Variants in RYR3 observed in about 807,000 individuals in gnomAD.
RYR3 encodes brain ryanodine receptor-calcium release channel.
A neutral mutation model predicts 584.3 loss-of-function variants in RYR3; 207 were observed. The ratio of observed to expected loss-of-function variants is 0.35; its 90% CI spans 0.32 to 0.40. The LOEUF is 0.40. RYR3 is among the 10% of genes least tolerant of loss of function. The pLI is 1.00. For missense variants in RYR3, 5,616 were observed against 6,089.2 expected (o/e 0.92, Z 2.59); for synonymous variants, 2,416 against 2,248.5 (o/e 1.07, Z -2.11).
chr15:33,512,554 G>T (rs74693857), intron 3 of RYR3, among the ~76,000 whole-genome samples: 1 of 152,108 alleles, frequency 6.6e-6, no homozygotes, highest in Non-Finnish European at 1.5e-5. Flanking sequence ...TTGTGAAGTC[G>T]GCACCTCATG....
intron 19 of RYR3, among the ~76,000 whole-genome samples, chr15:33,620,777 G>A (rs915434539): frequency 2.0e-5 from 3 of 152,172 alleles, no homozygotes; most frequent in African/African-American, 7.2e-5. Context: ...TTGTTCACAG[G>A]CAGTGAGGGG....
At chr15:33,632,903 C>G in intron 23 of RYR3, 46 bp from the exon 24 acceptor site, 1 of 1,544,204 alleles carries the variant, frequency 6.5e-7, no homozygotes. Flanking sequence ...GAATGAGAAA[C>G]TCATGGAGAT....
chr15:33,586,266 C>A, intron 16 of RYR3, 150 bp downstream of exon 16: 1 of 634,636 alleles, frequency 1.6e-6, no homozygotes, highest in South Asian at 1.9e-5. Context: ...TCCCCGCATA[C>A]AAGCACTCTC....
chr15:33,839,099 T>G, intron 89 of RYR3, 141 bp downstream of exon 89: 1 of 1,045,762 alleles, frequency 9.6e-7, no homozygotes, highest in Non-Finnish European at 1.3e-6. Context: ...TACGCTGATC[T>G]TATAATTCCA....
At chr15:33,350,617 C>G (rs1158704625) in intron 1 of RYR3, among the ~76,000 whole-genome samples, 2 of 151,484 alleles carry the variant, frequency 1.3e-5, no homozygotes, top group Non-Finnish European at 1.5e-5. Flanking sequence ...CACTCAAAAC[C>G]ACTCAACTAC....
chr15:33,662,466 G>A lies in RYR3; in HGVS notation c.4936G>A (p.Glu1646Lys), dbSNP rs376032202. The change falls in exon 35 of 104, where the codon GAG (glutamate) becomes AAG (lysine). Residue 1646 changes from glutamate to lysine, a missense_variant. Glu to Lys is a moderately conservative substitution (Grantham distance 56). This residue lies in a region of RYR3 where 753 missense variants were observed against 741.0 expected (regional missense o/e 1.02). Transcript: ENST00000634891. ...CAGGAATATCCGCCTCTTCCCGGAC[G>A]AGTCCAAGAGGCATGGACTGCCTGG... The part of the protein sequence containing the change: ...TTRNIRLFPD[E>K]SKRHGLPGVG... 23 of 1,613,996 alleles carry A rather than the reference G, an allele frequency of 1.4e-5. No individual in the cohort carries two copies. In the East Asian group the frequency reaches 3.1e-4, roughly 22 times the overall value.
At chr15:33,608,152 A>G (rs1160971291) in intron 18 of RYR3, among the ~76,000 whole-genome samples, 2 of 152,230 alleles carry the variant, frequency 1.3e-5, no homozygotes, top group South Asian at 2.1e-4. Flanking sequence ...TCTTTATAGC[A>G]TCCCTGTGGG....
At chr15:33,636,574 C>T (rs772861162) in intron 27 of RYR3, 24 bp downstream of exon 27, 9 of 1,546,292 alleles carry the variant, frequency 5.8e-6, no homozygotes, top group Admixed American at 2.0e-5. Context: ...CCTCTGCCAA[C>T]CCCAGCTCCA....
intron 60 of RYR3, among the ~76,000 whole-genome samples, chr15:33,758,711 C>T (rs942972846): frequency 3.3e-5 from 5 of 152,116 alleles, no homozygotes; most frequent in Admixed American, 1.3e-4. Flanking sequence ...CGGCTGTGGG[C>T]GCAGCTTTAG....
At position 33,337,934 on chromosome 15, in the gene RYR3, ATTTTTTTTT is replaced by A. The variant is rs199625940; in HGVS notation, c.51+26858_51+26866del. ...AGACAAGTCTCAATCATTTTAGGAG[ATTTTTTTTT>A]TTTTTTTTTTTTTTTTTTTGAGACT... On this transcript the variant is annotated intron_variant, in intron 1 of 103. Transcript: ENST00000634891. Among the ~76,000 whole-genome samples, 52 of 113,602 alleles carry A rather than the reference ATTTTTTTTT, an allele frequency of 4.6e-4. 1 individual carries two copies. Among genetic ancestry groups the A allele is most frequent in the Admixed American group, 1.2e-3 (12 of 10,238 alleles). 74.5% of individuals were successfully genotyped at this position (113,602 alleles called of 152,430 possible).
intron 28 of RYR3, among the ~76,000 whole-genome samples, chr15:33,645,205 G>A (rs1393130402): frequency 1.3e-5 from 2 of 152,072 alleles, no homozygotes; most frequent in African/African-American, 4.8e-5. Context: ...TCTTCTAAGG[G>A]GAGCAGAGAG....
intron 12 of RYR3, among the ~76,000 whole-genome samples, chr15:33,568,138 G>C (rs73386554): frequency 0.015 from 2,335 of 152,288 alleles, 62 homozygotes; most frequent in African/African-American, 0.054. Flanking sequence ...AGTGGAAAGA[G>C]TTACCTAGGG....
rs866677152 is a variant in RYR3 at position 33,461,106 on chromosome 15, A to G, written c.52-12313A>G. On this transcript the variant is annotated intron_variant, in intron 1 of 103. Transcript: ENST00000634891. ...ACTACAGGCACCCGCCACCACGCCC[A>G]GCTAATTTTTTGTATTTTTAGTAGA... 1.5e-3 allele frequency among the ~76,000 whole-genome samples: 229 copies of G among 151,514 alleles called. 1 individual carries two copies. Among genetic ancestry groups the G allele is most frequent in the African/African-American group, 4.8e-3 (199 of 41,314 alleles).
intron 70 of RYR3, among the ~76,000 whole-genome samples, chr15:33,808,056 C>T (rs2076296260): frequency 1.3e-5 from 2 of 152,198 alleles, no homozygotes; most frequent in African/African-American, 4.8e-5. Flanking sequence ...GTTACAGTTT[C>T]AGGTTATAAC....
chr15:33,430,228 A>G (rs1413834622), intron 1 of RYR3, among the ~76,000 whole-genome samples: 2 of 152,258 alleles, frequency 1.3e-5, no homozygotes, highest in Non-Finnish European at 2.9e-5. Flanking sequence ...CACAATGCCA[A>G]GCAAGGAGAA....
In RYR3 at chr15:33,544,344, T is replaced by TAA. The variant is rs5811769; in HGVS notation, c.740+638_740+639dup. ...CTTGTAACTATAGAAATCTGATATT[T>TAA]AAAAAAAAAATCAAACCTCAGATCC... On this transcript the variant is annotated intron_variant, in intron 8 of 103. Transcript: ENST00000634891. Among the ~76,000 whole-genome samples, 262 of 150,574 alleles carry TAA rather than the reference T, an allele frequency of 1.7e-3. 4 individuals carry two copies. Among genetic ancestry groups the TAA allele is most frequent in the African/African-American group, 2.2e-3 (92 of 41,168 alleles).
At chr15:33,580,904 A>G (rs989069209) in intron 13 of RYR3, among the ~76,000 whole-genome samples, 2 of 152,190 alleles carry the variant, frequency 1.3e-5, no homozygotes, top group African/African-American at 4.8e-5. Flanking sequence ...CTGAAATTCC[A>G]TTTACCATCT....
At chr15:33,499,947 GA>G (rs1175884299) in intron 2 of RYR3, among the ~76,000 whole-genome samples, 1 of 152,202 alleles carries the variant, frequency 6.6e-6, no homozygotes, top group East Asian at 1.9e-4. Flanking sequence ...ACGGGGAGAA[GA>G]AAGACGTGTT....
At chr15:33,429,038 A>G (rs2044892930) in intron 1 of RYR3, among the ~76,000 whole-genome samples, 1 of 152,114 alleles carries the variant, frequency 6.6e-6, no homozygotes. Flanking sequence ...CTGGAGGAAA[A>G]ACGACACTTT....
Sources: gnomAD v4.1 joint callset for allele counts (sites outside exome capture counted in the v4.1 genomes callset) on GRCh38, gnomAD v4.1.1 for gene constraint, gnomAD v4.1.1 regional missense constraint, MANE v1.5 for transcripts, NCBI Gene and HGNC (gene_info 2026-07-23, HGNC 2026-07-21) for gene names.